EVL: variants seen among roughly 807,000 people sequenced by gnomAD.
EVL encodes the protein Enah/Vasp-like, also known as ena/VASP-like protein.
In EVL, 21 loss-of-function variants were observed where a neutral mutation model predicts 59.6. The ratio of observed to expected loss-of-function variants is 0.35; its 90% CI spans 0.25 to 0.51. The LOEUF is 0.51. EVL is among the 20% of genes least tolerant of loss of function. EVL has a pLI of 0.97. For missense variants in EVL, 462 were observed against 546.6 expected (o/e 0.85, Z 1.54); for synonymous variants, 198 against 203.5 (o/e 0.97, Z 0.23).
chr14:100,143,954 T>G lies in EVL; in HGVS notation c.*216T>G, dbSNP rs1254701613. 2 of 558,176 alleles carry G rather than the reference T, an allele frequency of 3.6e-6. No individual in the cohort carries two copies. The highest frequency in any genetic ancestry group is 6.3e-6 in the Non-Finnish European group (2 of 316,744). The allele number at this position is 558,176 out of a possible 1,614,324, so 34.6% of individuals were successfully genotyped here. A position where few individuals can be genotyped will look rare whatever the true frequency, so the allele number is the denominator to read the frequency against. ...TCTGCCTGACACGGAACACCAGGTC[T>G]GCTCGTCTTTTTTGTGTTTTATATT... On this transcript the variant is annotated 3_prime_UTR_variant, in exon 14 of 14. Coordinates refer to ENST00000392920, the MANE Select transcript of EVL (RefSeq NM_016337.3).
Position 100,130,636 on chromosome 14 carries a change from C to T in EVL, c.839+952C>T, listed in dbSNP as rs1438380197. Reference sequence around the variant, plus strand: ...ACTGCAGTCCTAGTTCCTCTCATTACCTTCCCGTGGCTCCATGAGGATGAT... The same window carrying T: ...ACTGCAGTCCTAGTTCCTCTCATTATCTTCCCGTGGCTCCATGAGGATGAT... On this transcript the variant is annotated intron_variant, in intron 7 of 13. Coordinates refer to ENST00000392920, the MANE Select transcript of EVL (RefSeq NM_016337.3). The surrounding 1 kb of genome is among the most constrained non-coding windows in gnomAD (Gnocchi z 4.8). 6.6e-6 allele frequency among the ~76,000 whole-genome samples: 1 copy of T among 152,222 alleles called. No individual in the cohort carries two copies. Among genetic ancestry groups the T allele is most frequent in the Non-Finnish European group, 1.5e-5 (1 of 68,040 alleles).
intron 7 of EVL, among the ~76,000 whole-genome samples, chr14:100,131,881 G>A (rs1274354232): frequency 6.6e-6 from 1 of 152,142 alleles, no homozygotes; most frequent in Non-Finnish European, 1.5e-5. Flanking sequence ...TCCTGAGATG[G>A]GAGCTAAAGA....
chr14:100,135,043 G>GC (rs2140396763), intron 8 of EVL: 1 of 152,344 alleles, frequency 6.6e-6, no homozygotes, highest in African/African-American at 2.4e-5. Context: ...TTTCATCGTG[G>GC]CCCCCACATG....
intron 1 of EVL, among the ~76,000 whole-genome samples, chr14:100,049,893 A>G (rs924971777): frequency 6.6e-6 from 1 of 152,172 alleles, no homozygotes; most frequent in African/African-American, 2.4e-5. Context: ...TATACATGGA[A>G]TCAGACAATA....
chr14:100,143,784 G>A lies in EVL; in HGVS notation c.*46G>A. 1 of 1,599,762 alleles carries A rather than the reference G, an allele frequency of 6.3e-7. No individual in the cohort carries two copies. Among genetic ancestry groups the A allele is most frequent in the Non-Finnish European group, 8.5e-7 (1 of 1,173,306 alleles). On this transcript the variant is annotated 3_prime_UTR_variant, in exon 14 of 14. Transcript: ENST00000392920. ...GATTCGTCGAGCCCATCCGGCGACA[G>A]AGGACAGCCAGAAGCCCAGCCAGCC...
intron 1 of EVL, among the ~76,000 whole-genome samples, chr14:100,041,561 A>C (rs975801120): frequency 3.3e-5 from 5 of 152,186 alleles, no homozygotes; most frequent in Admixed American, 3.3e-4. Context: ...TTAAAGTGGA[A>C]ATGATTGTAA....
At chr14:100,142,061 C>T (rs867514223) in intron 13 of EVL, 3 of 350,568 alleles carry the variant, frequency 8.6e-6, no homozygotes, top group Non-Finnish European at 1.6e-5. Context: ...GGAAGACCCA[C>T]GTGGGAAGAG....
chr14:100,063,786 C>T (rs149522595), upstream of EVL, among the ~76,000 whole-genome samples: 29 of 152,282 alleles, frequency 1.9e-4, no homozygotes, highest in East Asian at 1.9e-3. Context: ...ATGCTACATC[C>T]GCCAAGGTAG....
intron 2 of EVL, among the ~76,000 whole-genome samples, chr14:100,087,154 A>T (rs917242682): frequency 1.1e-4 from 16 of 152,348 alleles, no homozygotes; most frequent in African/African-American, 3.8e-4. Context: ...GGATAATGGT[A>T]CAAGAATTAT....
chr14:100,069,783 TTGG>T (rs2062011027), intron 1 of EVL, among the ~76,000 whole-genome samples: 1 of 152,174 alleles, frequency 6.6e-6, no homozygotes, highest in South Asian at 2.1e-4. Flanking sequence ...TGGCTTTGCT[TTGG>T]TAACTGAACC....
chr14:100,105,014 AG>A (rs751104696), intron 3 of EVL, among the ~76,000 whole-genome samples: 26 of 149,254 alleles, frequency 1.7e-4, no homozygotes, highest in Non-Finnish European at 3.4e-4. Flanking sequence ...ACGGGGCCCC[AG>A]GGTCAGACCT....
At chr14:100,007,791 G>A (rs1454427411) in intron 1 of EVL, among the ~76,000 whole-genome samples, 1 of 152,162 alleles carries the variant, frequency 6.6e-6, no homozygotes, top group East Asian at 1.9e-4. Flanking sequence ...GAGAGAGAGA[G>A]AGGGAGAGAC....
At chr14:100,119,651 G>A (rs747885834) in intron 3 of EVL, among the ~76,000 whole-genome samples, 5 of 152,216 alleles carry the variant, frequency 3.3e-5, no homozygotes, top group East Asian at 3.8e-4. Context: ...ACAGTAATGC[G>A]AACAAATATT....
At chr14:100,137,422 G>T in intron 9 of EVL, 156 bp from the exon 10 acceptor site, 1 of 699,828 alleles carries the variant, frequency 1.4e-6, no homozygotes, top group Non-Finnish European at 2.5e-6. Flanking sequence ...TGAGAACAAG[G>T]TGCCAGGTTT....
chr14:100,084,981 G>C, intron 2 of EVL, 126 bp downstream of exon 2: 1 of 1,037,280 alleles, frequency 9.6e-7, no homozygotes, highest in Non-Finnish European at 1.4e-6. Context: ...CAGAGGACCT[G>C]GGCTCAGATT....
At chr14:100,085,918 G>A (rs2062430952) in intron 2 of EVL, among the ~76,000 whole-genome samples, 1 of 152,142 alleles carries the variant, frequency 6.6e-6, no homozygotes, top group Non-Finnish European at 1.5e-5. Flanking sequence ...ACAAGGTCAG[G>A]AGTTCAAGAC....
chr14:100,043,307 G>A (rs1160202562), intron 1 of EVL, among the ~76,000 whole-genome samples: 1 of 149,994 alleles, frequency 6.7e-6, no homozygotes, highest in Non-Finnish European at 1.5e-5. Flanking sequence ...GTGTGTGTGT[G>A]TGTATATGTA....
intron 1 of EVL, chr14:100,019,811 G>T: frequency 1.0e-6 from 1 of 967,384 alleles, no homozygotes; most frequent in Non-Finnish European, 1.5e-6. Flanking sequence ...TTTTCAGCTT[G>T]TGGTGGGGTT....
chr14:100,001,075 A>T (rs1238453302), intron 1 of EVL, among the ~76,000 whole-genome samples: 2 of 152,202 alleles, frequency 1.3e-5, no homozygotes, highest in African/African-American at 4.8e-5. Flanking sequence ...AACAACAAAC[A>T]AAACAACAAT....
Sources: gnomAD v4.1 joint callset for allele counts (sites outside exome capture counted in the v4.1 genomes callset) on GRCh38, gnomAD v4.1.1 for gene constraint, Gnocchi (gnomAD v3.1) non-coding constraint, MANE v1.5 for transcripts, NCBI Gene and HGNC (gene_info 2026-07-23, HGNC 2026-07-21) for gene names.